Variants in C19orf12 observed in about 807,000 individuals in gnomAD.
C19orf12 encodes chromosome 19 open reading frame 12, also known as protein C19orf12.
C19orf12 carries 2 observed loss-of-function variants against 3.8 expected under a neutral mutation model. The observed-to-expected ratio is 0.53, with a 90% CI of 0.22 to 1.66. C19orf12 has a LOEUF of 1.66. Ranked by LOEUF, C19orf12 falls within the 40% of genes most tolerant of loss-of-function variation. The pLI, the probability that C19orf12 is intolerant of heterozygous loss-of-function variation, is 0.20. For missense variants in C19orf12, 156 were observed against 188.8 expected (o/e 0.83, Z 1.02); for synonymous variants, 89 against 84.6 (o/e 1.05, Z -0.28).
intron 1 of C19orf12, 53 bp from the exon 2 acceptor site, chr19:29,708,476 A>C: frequency 6.3e-7 from 1 of 1,599,544 alleles, no homozygotes. Flanking sequence ...GAGTATTTCC[A>C]TCACAATGCC....
intron 1 of C19orf12, among the ~76,000 whole-genome samples, chr19:29,709,962 C>A (rs895477707): frequency 3.6e-4 from 55 of 152,112 alleles, no homozygotes; most frequent in African/African-American, 1.3e-3. Flanking sequence ...GCCTTGAACT[C>A]CTGGGCTACA....
At chr19:29,706,224 T>C (rs1428858988) in intron 2 of C19orf12, among the ~76,000 whole-genome samples, 1 of 152,250 alleles carries the variant, frequency 6.6e-6, no homozygotes, top group Non-Finnish European at 1.5e-5. Context: ...CTTTTCCCCA[T>C]GACACCAGTG....
rs143624787 is a variant in C19orf12 at position 29,710,873 on chromosome 19, A to G, written c.-10-2450T>C. On this transcript the variant is annotated intron_variant, in intron 1 of 2. Transcript: ENST00000323670. ...AAGATTTGTTTACATACAAATGTCT[A>G]AACGATAAAATGGCATTATAACAGT... is the stretch of plus-strand genomic sequence containing the variant. Among the ~76,000 whole-genome samples, 9 of 152,288 alleles carry G rather than the reference A, an allele frequency of 5.9e-5. No individual in the cohort carries two copies. The East Asian group carries it at 1.7e-3, about 29-fold the overall frequency.
chr19:29,699,971 C>G lies in C19orf12; in HGVS notation c.*2741G>C. ...AGATAAGACTCCAGGTTCAGGCTGCCCTTTTAGGCCCAAAGCCTCCAAGTC... is the reference window on the plus strand; with the variant it reads ...AGATAAGACTCCAGGTTCAGGCTGCGCTTTTAGGCCCAAAGCCTCCAAGTC... On this transcript the variant is annotated 3_prime_UTR_variant, in exon 3 of 3. Coordinates refer to ENST00000323670, the MANE Select transcript of C19orf12 (RefSeq NM_031448.6). The G allele has an allele frequency of 2.2e-6, 1 of 454,084 alleles. No individual in the cohort carries two copies. Among genetic ancestry groups the G allele is most frequent in the South Asian group, 1.6e-5 (1 of 64,476 alleles). 28.1% of individuals were successfully genotyped at this position (454,084 alleles called of 1,614,324 possible).
At chr19:29,703,201 T>C (rs1047143270) in intron 2 of C19orf12, among the ~76,000 whole-genome samples, 4 of 152,056 alleles carry the variant, frequency 2.6e-5, no homozygotes, top group African/African-American at 7.2e-5. Flanking sequence ...CCAACATGCA[T>C]TCCCTGGGCT....
At chr19:29,715,012 G>T in intron 1 of C19orf12, 113 bp downstream of exon 1, 1 of 708,510 alleles carries the variant, frequency 1.4e-6, no homozygotes. Flanking sequence ...GGCAGGGCGG[G>T]GACCCTCTCC....
Position 29,701,135 on chromosome 19 carries a change from T to C in C19orf12, c.*1577A>G. ...TGTAAGACTTTGAATATTAGAGATA[T>C]TTTACACATAATATGTGGGAAAATG... On this transcript the variant is annotated 3_prime_UTR_variant, in exon 3 of 3. Transcript: ENST00000323670. The C allele has an allele frequency of 2.2e-6, 1 of 454,156 alleles. No homozygotes were observed. The highest frequency in any genetic ancestry group is 4.4e-6 in the Non-Finnish European group (1 of 226,806). The allele number at this position is 454,156 out of a possible 1,614,324, so 28.1% of individuals were successfully genotyped here.
Position 29,702,428 on chromosome 19 carries a change from T to C in C19orf12, c.*284A>G. ...CGGGTGAGAGGACTCAGCAGACGCC[T>C]CCGAAGCCTGCGGCAGGCAGGCCTT... On this transcript the variant is annotated 3_prime_UTR_variant, in exon 3 of 3. Transcript: ENST00000323670. The C allele has an allele frequency of 1.6e-6, 1 of 626,222 alleles. No homozygotes were observed. The highest frequency in any genetic ancestry group is 1.5e-5 in the South Asian group (1 of 65,996). The allele number at this position is 626,222 out of a possible 1,614,324, so 38.8% of individuals were successfully genotyped here.
Position 29,702,978 on chromosome 19 carries a change from C to T in C19orf12, c.161-1G>A. On this transcript the variant is annotated splice_acceptor_variant, in intron 2 of 2. Transcript: ENST00000323670. LOFTEE classifies it high-confidence loss of function. Reference sequence around the variant, plus strand: ...CCTAACAGCCCCCCGACAGCCCCCCCTAGAAAACATGGAATCGTTCAATTA... The same window carrying T: ...CCTAACAGCCCCCCGACAGCCCCCCTTAGAAAACATGGAATCGTTCAATTA... 9.3e-6 allele frequency: 15 copies of T among 1,614,110 alleles called. No homozygotes were observed. Among genetic ancestry groups the T allele is most frequent in the Non-Finnish European group, 1.1e-5 (13 of 1,180,002 alleles).
Position 29,715,137 on chromosome 19 carries a change from A to G in C19orf12, c.-23T>C. ...GGCGCTCCTTTACCTGGGGGAGCGG[A>G]GGTCTACGCGGCGCGCTCGGCGATC... On this transcript the variant is annotated 5_prime_UTR_variant, in exon 1 of 3. Transcript: ENST00000323670. 1.7e-6 allele frequency: 1 copy of G among 583,964 alleles called. No homozygotes were observed. The highest frequency in any genetic ancestry group is 1.8e-5 in the South Asian group (1 of 54,914). 36.2% of individuals were successfully genotyped at this position (583,964 alleles called of 1,614,324 possible).
chr19:29,705,480 G>T, intron 2 of C19orf12: 1 of 272,790 alleles, frequency 3.7e-6, no homozygotes, highest in Non-Finnish European at 7.3e-6. Flanking sequence ...ATGGTTAATA[G>T]TAATGTATTC....
intron 2 of C19orf12, chr19:29,705,463 C>T (rs1323520446): frequency 1.0e-5 from 3 of 294,122 alleles, no homozygotes; most frequent in Non-Finnish European, 2.0e-5. Flanking sequence ...CAAATCAAGT[C>T]TGGAGAATGG....
rs1347580773 is a variant in C19orf12 at position 29,702,053 on chromosome 19, T to C, written c.*659A>G. 8 of 451,278 alleles carry C rather than the reference T, an allele frequency of 1.8e-5. No homozygotes were observed. The highest frequency in any genetic ancestry group is 1.2e-4 in the South Asian group (8 of 64,374). The allele number at this position is 451,278 out of a possible 1,614,324, so 28.0% of individuals were successfully genotyped here. ...AGTAAACCTCAAGAACTACCAGGAC[T>C]TTTCAGATGGGAAGAGCGAGGCCCT... On this transcript the variant is annotated 3_prime_UTR_variant, in exon 3 of 3. Transcript: ENST00000323670.
intron 2 of C19orf12, 70 bp downstream of exon 2, chr19:29,708,184 T>C (rs1972477645): frequency 6.3e-7 from 1 of 1,591,788 alleles, no homozygotes. Flanking sequence ...CCTGGCCTTC[T>C]CCCTGTGTTT....
intron 1 of C19orf12, among the ~76,000 whole-genome samples, chr19:29,709,919 T>G (rs1338184129): frequency 6.6e-6 from 1 of 152,188 alleles, no homozygotes. Flanking sequence ...TTGCCCAAGC[T>G]GGTGTGCAGT....
chr19:29,705,568 T>C (rs1204050955), intron 2 of C19orf12, among the ~76,000 whole-genome samples: 1 of 150,886 alleles, frequency 6.6e-6, no homozygotes, highest in African/African-American at 2.4e-5. Context: ...TGGAGTGCAG[T>C]GGTGTGATCA....
intron 2 of C19orf12, 121 bp from the exon 3 acceptor site, chr19:29,703,098 CG>C: frequency 7.5e-7 from 1 of 1,332,038 alleles, no homozygotes; most frequent in Non-Finnish European, 1.1e-6. Context: ...CGGGCTGCAG[CG>C]GGCTCAGCCG....
intron 2 of C19orf12, among the ~76,000 whole-genome samples, chr19:29,703,488 C>A (rs1323839656): frequency 6.8e-6 from 1 of 148,134 alleles, no homozygotes; most frequent in Non-Finnish European, 1.5e-5. Flanking sequence ...TCAAGCGATT[C>A]TCCCACCTCA....
chr19:29,702,552 C>T lies in C19orf12; in HGVS notation c.*160G>A. ...CATCAGTAATTTCTGGAACATGACA[C>T]TGCACAGCGGTGGCCTCTCCAGCGG... On this transcript the variant is annotated 3_prime_UTR_variant, in exon 3 of 3. Transcript: ENST00000323670. The T allele has an allele frequency of 1.0e-6, 1 of 974,862 alleles. No homozygotes were observed. Among genetic ancestry groups the T allele is most frequent in the South Asian group, 1.3e-5 (1 of 74,284 alleles). 60.4% of individuals were successfully genotyped at this position (974,862 alleles called of 1,614,324 possible).
Sources: allele counts gnomAD v4.1 joint callset (sites outside exome capture counted in the v4.1 genomes callset), GRCh38; gene constraint gnomAD v4.1.1; transcripts MANE v1.5; gene names NCBI Gene and HGNC (gene_info 2026-07-23, HGNC 2026-07-21).